Variants in FBXO34 observed in about 807,000 individuals in gnomAD.
FBXO34 encodes the protein F-box protein 34, also known as F-box only protein 34.
Under a neutral mutation model 24.5 loss-of-function variants are expected in FBXO34, and 12 were observed. The observed-to-expected ratio is 0.49, with a 90% CI of 0.31 to 0.79. The LOEUF is 0.79. Ranked by LOEUF, FBXO34 falls within the 30% of genes least tolerant of loss-of-function variation. The pLI is 0.04. For synonymous variants in FBXO34, 320 were observed against 311.9 expected, an observed-to-expected ratio of 1.03 and a Z score of -0.27; for missense variants, 823 against 857.7, an observed-to-expected ratio of 0.96 and a Z score of 0.51.
the FBXO34 span, chr14:55,428,712 T>C: frequency 1.5e-6 from 2 of 1,293,804 alleles, no homozygotes; most frequent in African/African-American, 3.0e-5. Context: ...TTTTTTTTAA[T>C]CACAATTTCT....
chr14:55,340,551 C>T (rs1003509555), intron 1 of FBXO34, among the ~76,000 whole-genome samples: 2 of 150,218 alleles, frequency 1.3e-5, no homozygotes, highest in African/African-American at 2.5e-5. Context: ...CTGGCTGGCT[C>T]GTAATTTTTA....
intron 1 of FBXO34, among the ~76,000 whole-genome samples, chr14:55,331,778 T>TAC (rs1345028251): frequency 6.8e-5 from 5 of 73,980 alleles, no homozygotes; most frequent in Admixed American, 6.7e-4. Context: ...TATATATATA[T>TAC]ACCACCATGG....
At chr14:55,272,189 A>C (rs7146752) in intron 1 of FBXO34, 1 of 152,164 alleles carries the variant, frequency 6.6e-6, no homozygotes, top group Non-Finnish European at 1.5e-5. Context: ...ACCTGGGCTC[A>C]CGGAAGGGCC....
chr14:55,378,648 C>T, the FBXO34 span, among the ~76,000 whole-genome samples: 1 of 152,164 alleles, frequency 6.6e-6, no homozygotes, highest in East Asian at 1.9e-4. Context: ...TATGATCACA[C>T]ACCTGCCCAC....
the FBXO34 span, among the ~76,000 whole-genome samples, chr14:55,433,111 T>C: frequency 6.6e-6 from 1 of 151,936 alleles, no homozygotes; most frequent in Non-Finnish European, 1.5e-5. Flanking sequence ...AACTGTAAAA[T>C]GGGGATATGT....
the FBXO34 span, chr14:55,413,547 T>G: frequency 2.5e-6 from 1 of 407,768 alleles, no homozygotes; most frequent in African/African-American, 2.1e-5. Context: ...GAATTTTTTT[T>G]GACACCTATT....
At chr14:55,317,343 G>T (rs1882966596) in intron 1 of FBXO34, among the ~76,000 whole-genome samples, 1 of 152,098 alleles carries the variant, frequency 6.6e-6, no homozygotes, top group African/African-American at 2.4e-5. Flanking sequence ...AGCCAGGCGA[G>T]GTCGTGCATG....
chr14:55,279,063 G>A (rs1057410402), intron 1 of FBXO34, among the ~76,000 whole-genome samples: 2 of 152,158 alleles, frequency 1.3e-5, no homozygotes, highest in Non-Finnish European at 1.5e-5. Flanking sequence ...TTAGGAGGCC[G>A]AGGTGGGTGG....
intron 1 of FBXO34, chr14:55,339,387 C>G (rs182119232): frequency 4.8e-5 from 7 of 145,780 alleles, no homozygotes; most frequent in Non-Finnish European, 9.0e-5. Context: ...TGCCCCCCCC[C>G]CCAATCCTGG....
At chr14:55,275,294 T>C (rs181734527) in intron 1 of FBXO34, among the ~76,000 whole-genome samples, 6 of 152,336 alleles carry the variant, frequency 3.9e-5, no homozygotes, top group African/African-American at 1.4e-4. Flanking sequence ...CAGTAGAGTA[T>C]AGGTGTAAAT....
the FBXO34 span, among the ~76,000 whole-genome samples, chr14:55,412,659 G>A: frequency 1.3e-5 from 2 of 152,180 alleles, no homozygotes; most frequent in Admixed American, 6.5e-5. Context: ...GTTTATAGGT[G>A]AGATTAAATA....
At chr14:55,424,301 C>T in the FBXO34 span, 45 of 1,258,858 alleles carry the variant, frequency 3.6e-5, no homozygotes, top group African/African-American at 5.3e-4. Context: ...TATTCAGCTC[C>T]TTTCCCATAA....
At chr14:55,367,806 T>C (rs1043586291) in exon 3 of FBXO34, 1 of 151,332 alleles carries the variant, frequency 6.6e-6, no homozygotes, top group East Asian at 1.9e-4. Context: ...GGAAAATTCA[T>C]AGAGCCAAGG....
the FBXO34 span, chr14:55,433,775 C>T: frequency 6.6e-7 from 1 of 1,523,906 alleles, no homozygotes; most frequent in South Asian, 1.2e-5. Flanking sequence ...AACATTATCC[C>T]AGTTGAAAAA....
chr14:55,349,555 C>T (rs1281877833), intron 1 of FBXO34, among the ~76,000 whole-genome samples: 1 of 149,564 alleles, frequency 6.7e-6, no homozygotes, highest in Non-Finnish European at 1.5e-5. Flanking sequence ...TTGTAAACAT[C>T]TAAATATTCA....
intron 1 of FBXO34, among the ~76,000 whole-genome samples, chr14:55,306,094 C>A (rs1288876603): frequency 6.6e-6 from 1 of 152,208 alleles, no homozygotes; most frequent in Non-Finnish European, 1.5e-5. Flanking sequence ...TTTTCCCAGT[C>A]ATTAAAAACA....
chr14:55,340,680 C>G (rs1034909941), intron 1 of FBXO34, among the ~76,000 whole-genome samples: 12 of 152,194 alleles, frequency 7.9e-5, no homozygotes, highest in Admixed American at 2.6e-4. Flanking sequence ...GGCCTAAGAT[C>G]ATTGTCCAGC....
At chr14:55,284,437 C>T (rs530806356) in intron 1 of FBXO34, among the ~76,000 whole-genome samples, 39 of 145,030 alleles carry the variant, frequency 2.7e-4, no homozygotes, top group South Asian at 1.3e-3. Context: ...CTCTTGAACT[C>T]GGAGGTGGAG....
chr14:55,331,987 A>G (rs1883602081), intron 1 of FBXO34, among the ~76,000 whole-genome samples: 1 of 143,100 alleles, frequency 7.0e-6, no homozygotes, highest in Non-Finnish European at 1.5e-5. Context: ...AAATATATAT[A>G]TACACCACCG....
Sources: gnomAD v4.1 joint callset for allele counts (sites outside exome capture counted in the v4.1 genomes callset) on GRCh38, gnomAD v4.1.1 for gene constraint, MANE v1.5 for transcripts, NCBI Gene and HGNC (gene_info 2026-07-23, HGNC 2026-07-21) for gene names.